Variants in TMEM117 observed in about 807,000 individuals in gnomAD.
The protein encoded by TMEM117 is transmembrane protein 117.
TMEM117 carries 27 observed loss-of-function variants against 52.4 expected under a neutral mutation model. The observed-to-expected ratio is 0.51, with a 90% confidence interval of 0.38 to 0.71. The LOEUF (loss-of-function observed/expected upper bound fraction) is 0.71, where lower values mean the gene tolerates loss of function less well. Ranked by LOEUF, TMEM117 falls within the 30% of genes least tolerant of loss-of-function variation. The probability of loss-of-function intolerance (pLI) is 0.00; values close to 1 mark genes in which losing one functional copy is unlikely to be tolerated. For missense variants in TMEM117, 556 were observed against 630.5 expected (o/e 0.88, Z 1.26); for synonymous variants, 215 against 206.3 (o/e 1.04, Z -0.36).
chr12:43,975,671 G>A (rs949446050), intron 3 of TMEM117, among the ~76,000 whole-genome samples: 2 of 152,158 alleles, frequency 1.3e-5, no homozygotes, highest in African/African-American at 4.8e-5. Flanking sequence ...TTAGTGTGGT[G>A]ATTAAGTCAT....
intron 7 of TMEM117, among the ~76,000 whole-genome samples, chr12:44,378,894 T>C (rs542512495): frequency 3.3e-4 from 50 of 152,076 alleles, no homozygotes; most frequent in Non-Finnish European, 1.0e-4. Flanking sequence ...ACAGATGAGA[T>C]CAGAGCATCT....
rs1419146431 is a variant in TMEM117, at chr12:44,181,615, C to T, written c.511-29675C>T. Among the ~76,000 whole-genome samples, 9 of 152,144 alleles carry T rather than the reference C, an allele frequency of 5.9e-5. 1 individual carries two copies. The highest frequency in any genetic ancestry group is 5.8e-4 in the East Asian group (3 of 5,172). ...GCACCATTTATTAAATAGGGAATCC[C>T]TTCCCCATTGCTTGTTTTTGTCAGG... On this transcript the variant is annotated intron_variant, in intron 4 of 7. Transcript: ENST00000266534.
chr12:43,945,626 T>C lies in TMEM117; in HGVS notation c.410+1284T>C, dbSNP rs1431950541. Among the ~76,000 whole-genome samples the C allele has an allele frequency of 4.6e-5, 7 of 152,182 alleles. No individual in the cohort carries two copies. In the East Asian group the frequency reaches 1.3e-3, roughly 29 times the overall value. On this transcript the variant is annotated intron_variant, in intron 3 of 7. Coordinates refer to ENST00000266534, the MANE Select transcript of TMEM117 (RefSeq NM_032256.3). ...GCTTGAGCCACTGCATCTGGCCTGC[T>C]CTCAGTAAGTTTTAAGGCCGGAATG...
chr12:44,252,337 C>T (rs1950205966), intron 5 of TMEM117, among the ~76,000 whole-genome samples: 1 of 152,030 alleles, frequency 6.6e-6, no homozygotes, highest in Non-Finnish European at 1.5e-5. Flanking sequence ...AAACCCCGTC[C>T]TATTAAAAAT....
chr12:43,805,418 A>G, the TMEM117 span: 18 of 383,446 alleles, frequency 4.7e-5, no homozygotes, highest in Non-Finnish European at 8.5e-5. Flanking sequence ...TTCATCTGGG[A>G]GAAAGACTCG....
intron 2 of TMEM117, among the ~76,000 whole-genome samples, chr12:43,886,058 A>G (rs961075755): frequency 1.3e-5 from 2 of 152,226 alleles, no homozygotes; most frequent in African/African-American, 4.8e-5. Flanking sequence ...CATATTATAT[A>G]TCCCATATGC....
rs141576644 is a variant in TMEM117 at position 44,106,172 on chromosome 12, C to T, written c.411-37353C>T. 2.2e-4 allele frequency among the ~76,000 whole-genome samples: 34 copies of T among 152,096 alleles called. No homozygotes were observed. The East Asian group carries it at 5.8e-3, about 26-fold the overall frequency. ...GCAGCTTGCACTTCTCTGACAAATC[C>T]AAGAAGAGTTGTTGATTTCTTGGCT... On this transcript the variant is annotated intron_variant, in intron 3 of 7. Coordinates refer to ENST00000266534, the MANE Select transcript of TMEM117 (RefSeq NM_032256.3).
At chr12:44,157,299 A>T (rs112172523) in intron 4 of TMEM117, among the ~76,000 whole-genome samples, 1 of 152,108 alleles carries the variant, frequency 6.6e-6, no homozygotes, top group Admixed American at 6.6e-5. Context: ...TTTAGTAATT[A>T]TTACTTAGAG....
intron 2 of TMEM117, among the ~76,000 whole-genome samples, chr12:43,875,118 T>C (rs1422152475): frequency 1.3e-5 from 2 of 152,236 alleles, no homozygotes; most frequent in Non-Finnish European, 2.9e-5. Context: ...CCAAAATTAT[T>C]TTGTAAATGA....
chr12:43,982,779 A>G (rs1055139811), intron 3 of TMEM117, among the ~76,000 whole-genome samples: 19 of 152,202 alleles, frequency 1.2e-4, no homozygotes, highest in Admixed American at 1.2e-3. Flanking sequence ...TGCCAAATAG[A>G]ACACAGAGCG....
chr12:44,311,769 GTATATATGTGTATATA>G (rs1565701204), intron 6 of TMEM117, among the ~76,000 whole-genome samples: 2,643 of 122,058 alleles, frequency 0.022, 153 homozygotes, highest in African/African-American at 0.084. Flanking sequence ...ATATATATAT[GTATATATGTGTATATA>G]TGTATATATA....
At chr12:44,309,015 A>T (rs775485478) in intron 6 of TMEM117, among the ~76,000 whole-genome samples, 5 of 152,228 alleles carry the variant, frequency 3.3e-5, no homozygotes, top group Admixed American at 6.5e-5. Context: ...TAAGGAACAA[A>T]TTACAAAAGA....
chr12:43,906,988 G>A (rs1296659450), intron 2 of TMEM117, among the ~76,000 whole-genome samples: 1 of 152,028 alleles, frequency 6.6e-6, no homozygotes, highest in Non-Finnish European at 1.5e-5. Flanking sequence ...CTGGGTGGAG[G>A]CCACCACAGC....
At chr12:44,043,099 C>T (rs772997526) in intron 3 of TMEM117, among the ~76,000 whole-genome samples, 3 of 152,008 alleles carry the variant, frequency 2.0e-5, no homozygotes, top group Admixed American at 6.6e-5. Flanking sequence ...ACTCCTTGAC[C>T]GTATGTGGAG....
chr12:43,888,714 A>AT (rs1944046277), intron 2 of TMEM117, among the ~76,000 whole-genome samples: 1 of 150,770 alleles, frequency 6.6e-6, no homozygotes, highest in East Asian at 2.0e-4. Context: ...CACCTGGCTA[A>AT]TTTTTTTGTA....
chr12:44,371,952 T>C (rs1170916393), intron 6 of TMEM117, among the ~76,000 whole-genome samples: 2 of 152,158 alleles, frequency 1.3e-5, no homozygotes, highest in Non-Finnish European at 2.9e-5. Flanking sequence ...ATATGGGAAA[T>C]ACACCCATAT....
At chr12:44,292,198 T>TAC (rs1391564547) in intron 5 of TMEM117, among the ~76,000 whole-genome samples, 2 of 152,022 alleles carry the variant, frequency 1.3e-5, no homozygotes, top group Non-Finnish European at 2.9e-5. Context: ...GTAACTTGTA[T>TAC]GTTTCTAGGA....
intron 5 of TMEM117, among the ~76,000 whole-genome samples, chr12:44,216,030 C>T (rs1320382625): frequency 1.2e-4 from 11 of 93,490 alleles, no homozygotes; most frequent in Admixed American, 2.6e-4. Context: ...TTTTTTGAGA[C>T]GGTTTCTTGC....
chr12:44,061,853 A>C (rs1478389520), intron 3 of TMEM117, among the ~76,000 whole-genome samples: 1 of 152,196 alleles, frequency 6.6e-6, no homozygotes, highest in East Asian at 1.9e-4. Context: ...AAAGGTTCAA[A>C]AGTGAGATTA....
Sources: gnomAD v4.1 joint callset for allele counts (sites outside exome capture counted in the v4.1 genomes callset) on GRCh38, gnomAD v4.1.1 for gene constraint, MANE v1.5 for transcripts, NCBI Gene and HGNC (gene_info 2026-07-23, HGNC 2026-07-21) for gene names.